Variants in CTNNA3 observed in about 807,000 individuals in gnomAD.
CTNNA3 encodes the protein catenin alpha-3.
A neutral mutation model predicts 95.7 loss-of-function variants in CTNNA3; 76 were observed. The observed-to-expected ratio is 0.79, with a 90% confidence interval of 0.66 to 0.96. The LOEUF (loss-of-function observed/expected upper bound fraction) is 0.96, where lower values mean the gene tolerates loss of function less well. Among genes scored for constraint, CTNNA3 ranks in the 40% least tolerant of loss-of-function variants. CTNNA3 has a pLI of 0.00. For missense variants in CTNNA3, 1,191 were observed against 1,089.8 expected, an observed-to-expected ratio of 1.09 and a Z score of -1.31; for synonymous variants, 431 against 374.4, an observed-to-expected ratio of 1.15 and a Z score of -1.74.
intron 7 of CTNNA3, among the ~76,000 whole-genome samples, chr10:66,874,148 G>C (rs1844521773): frequency 6.6e-6 from 1 of 151,936 alleles, no homozygotes; most frequent in Admixed American, 6.6e-5. Flanking sequence ...TGAGTCTCAG[G>C]AACAAGTGTA....
At chr10:66,551,862 G>A (rs1053850328) in intron 10 of CTNNA3, among the ~76,000 whole-genome samples, 1 of 147,344 alleles carries the variant, frequency 6.8e-6, no homozygotes, top group South Asian at 2.1e-4. Flanking sequence ...AATTGTACAG[G>A]TTCATTCACG....
chr10:67,011,336 C>A (rs1378807041), intron 7 of CTNNA3, among the ~76,000 whole-genome samples: 2 of 130,758 alleles, frequency 1.5e-5, no homozygotes, highest in African/African-American at 2.9e-5. Context: ...AAAAGTCTGT[C>A]TCAAAAAAAA....
intron 15 of CTNNA3, among the ~76,000 whole-genome samples, chr10:66,027,208 C>A (rs1646957036): frequency 1.3e-5 from 2 of 151,868 alleles, no homozygotes; most frequent in African/African-American, 4.8e-5. Context: ...GTTTCAATTT[C>A]CAAACTTGCA....
At chr10:66,431,892 T>C (rs959114938) in intron 11 of CTNNA3, among the ~76,000 whole-genome samples, 3 of 152,070 alleles carry the variant, frequency 2.0e-5, no homozygotes, top group Non-Finnish European at 4.4e-5. Context: ...GAACTTAAAG[T>C]ATAATAAAAA....
chr10:65,971,467 C>T lies in CTNNA3; in HGVS notation c.2266-4721G>A, dbSNP rs564247722. ...AAAAGAGAGAGGATTCAAATAAGCA[C>T]AGTCAGAAGTTATAAAAGTGACATT... On this transcript the variant is annotated intron_variant, in intron 16 of 17. Coordinates refer to ENST00000433211, the MANE Select transcript of CTNNA3 (RefSeq NM_013266.4). Among the ~76,000 whole-genome samples, 4 of 148,486 alleles carry T rather than the reference C, an allele frequency of 2.7e-5. No homozygotes were observed. In the South Asian group the frequency reaches 6.4e-4, roughly 24 times the overall value.
At chr10:66,901,627 G>A (rs1160800826) in intron 7 of CTNNA3, among the ~76,000 whole-genome samples, 1 of 152,184 alleles carries the variant, frequency 6.6e-6, no homozygotes, top group Non-Finnish European at 1.5e-5. Flanking sequence ...GTATTCAGGA[G>A]ACCCACCTCA....
intron 15 of CTNNA3, among the ~76,000 whole-genome samples, chr10:66,003,876 C>T (rs149142224): frequency 1.6e-4 from 25 of 152,286 alleles, no homozygotes; most frequent in Non-Finnish European, 2.2e-4. Flanking sequence ...ACACCTTTTG[C>T]ACTACACACA....
intron 7 of CTNNA3, among the ~76,000 whole-genome samples, chr10:67,086,572 G>A (rs771810012): frequency 3.9e-5 from 6 of 151,924 alleles, no homozygotes; most frequent in Non-Finnish European, 5.9e-5. Flanking sequence ...TGTCAAAAAC[G>A]TAGTCTGTTT....
chr10:66,177,999 A>G (rs899476073), intron 13 of CTNNA3, among the ~76,000 whole-genome samples: 3 of 151,844 alleles, frequency 2.0e-5, no homozygotes, highest in Admixed American at 1.3e-4. Context: ...GCATATTTCA[A>G]TGAAGTAATG....
intron 11 of CTNNA3, among the ~76,000 whole-genome samples, chr10:66,497,632 T>C (rs893697916): frequency 6.6e-6 from 1 of 152,084 alleles, no homozygotes; most frequent in Non-Finnish European, 1.5e-5. Flanking sequence ...CATTTAATTA[T>C]AATCAAACTG....
At chr10:66,543,907 G>GTATATATATA (rs1554815314) in intron 10 of CTNNA3, among the ~76,000 whole-genome samples, 2 of 28,952 alleles carry the variant, frequency 6.9e-5, no homozygotes, top group African/African-American at 2.9e-4. Flanking sequence ...AGATGTGTGT[G>GTATATATATA]TGTGTATATA....
chr10:67,233,784 AAGAG>A (rs1181574210), intron 5 of CTNNA3, among the ~76,000 whole-genome samples: 1 of 151,914 alleles, frequency 6.6e-6, no homozygotes, highest in African/African-American at 2.4e-5. Flanking sequence ...TAAAGAAAAA[AAGAG>A]AGAAGAATCA....
At chr10:65,954,895 T>A (rs145195312) in intron 17 of CTNNA3, among the ~76,000 whole-genome samples, 5,039 of 152,302 alleles carry the variant, frequency 0.033, 252 homozygotes, top group African/African-American at 0.11. Context: ...ATATGAGCTT[T>A]AAAGTATTTT....
At chr10:66,536,469 A>T (rs1435993991) in intron 10 of CTNNA3, among the ~76,000 whole-genome samples, 1 of 131,102 alleles carries the variant, frequency 7.6e-6, no homozygotes, top group Admixed American at 8.2e-5. Flanking sequence ...TCAACAGAGC[A>T]AGACTCTGTC....
chr10:66,500,132 T>A (rs552293356), intron 11 of CTNNA3, among the ~76,000 whole-genome samples: 2 of 152,148 alleles, frequency 1.3e-5, no homozygotes, highest in South Asian at 2.1e-4. Context: ...AAAAAGATTT[T>A]AAAAGCCACA....
intron 11 of CTNNA3, among the ~76,000 whole-genome samples, chr10:66,388,373 A>G (rs978643644): frequency 8.5e-5 from 13 of 152,126 alleles, no homozygotes; most frequent in African/African-American, 2.2e-4. Flanking sequence ...TTTTTTCCCC[A>G]GTGAATTTTG....
At chr10:67,545,073 G>T (rs1589409797) in intron 3 of CTNNA3, among the ~76,000 whole-genome samples, 1 of 151,906 alleles carries the variant, frequency 6.6e-6, no homozygotes, top group African/African-American at 2.4e-5. Flanking sequence ...ACTAATCTGT[G>T]TTTTTTTATT....
At position 66,464,511 on chromosome 10, in the gene CTNNA3, G is replaced by A. The variant is rs10822835; in HGVS notation, c.1531+56106C>T. 5.9e-5 allele frequency among the ~76,000 whole-genome samples: 9 copies of A among 151,910 alleles called. No individual in the cohort carries two copies. The East Asian group carries it at 7.8e-4, about 13-fold the overall frequency. On this transcript the variant is annotated intron_variant, in intron 11 of 17. Coordinates refer to ENST00000433211, the MANE Select transcript of CTNNA3 (RefSeq NM_013266.4). ...GGCACGGAGGCTCACACCTATAATC[G>A]CAGCACTTTGTGAGGTAGAGATGGG... is the stretch of plus-strand genomic sequence containing the variant.
chr10:67,616,796 A>G (rs1843671646), intron 2 of CTNNA3, among the ~76,000 whole-genome samples: 1 of 152,208 alleles, frequency 6.6e-6, no homozygotes, highest in Non-Finnish European at 1.5e-5. Flanking sequence ...AGTTGGAGAT[A>G]TGTTTCGTAT....
Sources: gnomAD v4.1 joint callset for allele counts (sites outside exome capture counted in the v4.1 genomes callset) on GRCh38, gnomAD v4.1.1 for gene constraint, MANE v1.5 for transcripts, NCBI Gene and HGNC (gene_info 2026-07-23, HGNC 2026-07-21) for gene names.